TIRAP: variants seen among roughly 807,000 people sequenced by gnomAD.
TIRAP encodes the protein TIR domain containing adaptor protein.
In TIRAP, 20 loss-of-function variants were observed where a neutral mutation model predicts 19.8. The observed-to-expected ratio is 1.01, with a 90% CI of 0.71 to 1.47. The LOEUF (loss-of-function observed/expected upper bound fraction) is 1.47, where lower values mean the gene tolerates loss of function less well. Among genes scored for constraint, TIRAP ranks in the 40% most tolerant of loss-of-function variants. TIRAP has a pLI of 0.00. For synonymous variants in TIRAP, 125 were observed against 121.7 expected (o/e 1.03, Z -0.18); for missense variants, 276 against 285.1 (o/e 0.97, Z 0.23).
rs1238074365 is a variant in TIRAP at position 126,287,831 on chromosome 11, G to A, written c.-216-2631G>A. On this transcript the variant is annotated intron_variant, in intron 1 of 4. Transcript: ENST00000392679. The surrounding 1 kb of genome is among the most constrained non-coding windows in gnomAD (Gnocchi z 4.2). ...CACAGTGGTGCAATCTCGGCTCACT[G>A]CAACCTCTGCCTCCCAGGTTCAAGG... Among the ~76,000 whole-genome samples, 1 of 152,164 alleles carries A rather than the reference G, an allele frequency of 6.6e-6. No homozygotes were observed. The highest frequency in any genetic ancestry group is 1.5e-5 in the Non-Finnish European group (1 of 68,032).
Position 126,293,041 on chromosome 11 carries a change from A to C in TIRAP, c.632A>C (p.Glu211Ala). The C allele has an allele frequency of 1.2e-6, 2 of 1,614,168 alleles. No homozygotes were observed. Among genetic ancestry groups the C allele is most frequent in the East Asian group, 2.2e-5 (1 of 44,892 alleles). Reference sequence around the variant, plus strand: ...GATGGTGGCTTTCGTCAAGTCAAAGAAGCTGTCATGCGTTGTAAGCTACTA... The same window carrying C: ...GATGGTGGCTTTCGTCAAGTCAAAGCAGCTGTCATGCGTTGTAAGCTACTA... ...GPDGGFRQVK[E>A]AVMRYLQTLS is the part of the protein sequence containing the mutation. The change falls in exon 4 of 5, where the codon GAA (glutamate) becomes GCA (alanine). Residue 211 changes from glutamate (E) to alanine (A), a missense_variant. Coordinates refer to ENST00000392679, the MANE Select transcript of TIRAP (RefSeq NM_001318777.2).
At chr11:126,285,243 GTA>G (rs1555068788) in intron 1 of TIRAP, among the ~76,000 whole-genome samples, 26 of 106,938 alleles carry the variant, frequency 2.4e-4, no homozygotes, top group African/African-American at 6.0e-4. Flanking sequence ...GTGTGTGTGT[GTA>G]TATATATATA....
rs1951336251 is a variant in TIRAP, at chr11:126,287,561, C to T, written c.-216-2901C>T. The stretch of plus-strand genomic sequence containing the variant: ...ATCTCAAATTCCTGACCTCATGATC[C>T]GCCCACCTCGGCCTCCCAAAGTGCT... On this transcript the variant is annotated intron_variant, in intron 1 of 4. Coordinates refer to ENST00000392679, the MANE Select transcript of TIRAP (RefSeq NM_001318777.2). The surrounding 1 kb of genome is among the most constrained non-coding windows in gnomAD (Gnocchi z 4.2). Among the ~76,000 whole-genome samples, 2 of 151,854 alleles carry T rather than the reference C, an allele frequency of 1.3e-5. No individual in the cohort carries two copies. The highest frequency in any genetic ancestry group is 2.9e-5 in the Non-Finnish European group (2 of 67,952).
intron 1 of TIRAP, among the ~76,000 whole-genome samples, chr11:126,284,873 T>G (rs532577631): frequency 7.6e-4 from 114 of 150,512 alleles, no homozygotes; most frequent in Admixed American, 1.3e-3. Context: ...AAAAAAAATA[T>G]GTAAGCACTG....
Position 126,294,654 on chromosome 11 carries a change from G to T in TIRAP, c.*967G>T. ...ATCTGTTCTCAGTAAGTTTGTTGTT[G>T]AACTGAAATGAATTTCATTATTTCC... On this transcript the variant is annotated 3_prime_UTR_variant, in exon 5 of 5. Transcript: ENST00000392679. The T allele has an allele frequency of 2.4e-6, 1 of 421,094 alleles. No homozygotes were observed. 26.1% of individuals were successfully genotyped at this position (421,094 alleles called of 1,614,324 possible).
Position 126,291,428 on chromosome 11 carries a change from G to T in TIRAP, c.67+467G>T, listed in dbSNP as rs1160294836. 7.5e-7 allele frequency: 1 copy of T among 1,327,506 alleles called. No individual in the cohort carries two copies. Among genetic ancestry groups the T allele is most frequent in the Non-Finnish European group, 1.0e-6 (1 of 1,003,452 alleles). The allele number at this position is 1,327,506 out of a possible 1,614,324, so 82.2% of individuals were successfully genotyped here. A position where few individuals can be genotyped will look rare whatever the true frequency, so the allele number is the denominator to read the frequency against. On this transcript the variant is annotated intron_variant, in intron 3 of 4. Coordinates refer to ENST00000392679, the MANE Select transcript of TIRAP (RefSeq NM_001318777.2). The surrounding 1 kb of genome is among the most constrained non-coding windows in gnomAD (Gnocchi z 5.6). Reference sequence around the variant, plus strand: ...GAGCAGTGTTTCTCCCCCACAGACTGGTTCAGGCAGACCCTGCTGAAGAAG... The same window carrying T: ...GAGCAGTGTTTCTCCCCCACAGACTTGTTCAGGCAGACCCTGCTGAAGAAG...
rs369321079 is a variant in TIRAP at position 126,290,520 on chromosome 11, G to A, written c.-158G>A. ...TGCCAGCTGCCCTTCCCCAGATCCCGAATATCCTCCTGGCCAGGTGGAGCA... is the reference window on the plus strand; with the variant it reads ...TGCCAGCTGCCCTTCCCCAGATCCCAAATATCCTCCTGGCCAGGTGGAGCA... On this transcript the variant is annotated 5_prime_UTR_variant, in exon 2 of 5. Coordinates refer to ENST00000392679, the MANE Select transcript of TIRAP (RefSeq NM_001318777.2). This position sits in a 1 kb window ranked among gnomAD's most constrained non-coding sequence, Gnocchi z 4.9. The A allele has an allele frequency of 5.9e-6, 6 of 1,013,466 alleles. No individual in the cohort carries two copies. The highest frequency in any genetic ancestry group is 5.1e-5 in the African/African-American group (3 of 58,332). 62.8% of individuals were successfully genotyped at this position (1,013,466 alleles called of 1,614,324 possible). A position where few individuals can be genotyped will look rare whatever the true frequency, so the allele number is the denominator to read the frequency against.
Position 126,290,915 on chromosome 11 carries a change from C to G in TIRAP, c.21C>G (p.Leu7=). 1 of 1,607,526 alleles carries G rather than the reference C, an allele frequency of 6.2e-7. No individual in the cohort carries two copies. Among genetic ancestry groups the G allele is most frequent in the South Asian group, 1.1e-5 (1 of 89,770 alleles). The change falls in exon 3 of 5, where the codon CTC becomes CTG. Residue 7 remains leucine, a synonymous_variant. Coordinates refer to ENST00000392679, the MANE Select transcript of TIRAP (RefSeq NM_001318777.2). This position sits in a 1 kb window ranked among gnomAD's most constrained non-coding sequence, Gnocchi z 4.9. MASSTS[L]PAPGSRPKKP... is the part of the protein sequence containing the mutation. ...ACGCTATGGCATCATCGACCTCCCT[C>G]CCAGCTCCTGGCTCTCGGCCTAAGA... is the stretch of plus-strand genomic sequence containing the variant.
At position 126,288,747 on chromosome 11, in the gene TIRAP, G is replaced by T. The variant is rs1951349320; in HGVS notation, c.-216-1715G>T. ...AAAAGGGCAAGTCATTTCATAAAAT[G>T]AGAAACTGAAACTTTAAAATCTACA... On this transcript the variant is annotated intron_variant, in intron 1 of 4. Transcript: ENST00000392679. The surrounding 1 kb of genome is among the most constrained non-coding windows in gnomAD (Gnocchi z 5.0). Among the ~76,000 whole-genome samples, 1 of 152,138 alleles carries T rather than the reference G, an allele frequency of 6.6e-6. No individual in the cohort carries two copies. The highest frequency in any genetic ancestry group is 2.4e-5 in the African/African-American group (1 of 41,424).
chr11:126,285,261 A>ATATATATAAT (rs776825456), intron 1 of TIRAP, among the ~76,000 whole-genome samples: 3 of 51,262 alleles, frequency 5.9e-5, no homozygotes, highest in South Asian at 8.6e-4. Context: ...ATATATATAT[A>ATATATATAAT]ATATATATTT....
chr11:126,289,251 G>T (rs979630334), intron 1 of TIRAP, among the ~76,000 whole-genome samples: 2 of 152,158 alleles, frequency 1.3e-5, no homozygotes, highest in Middle Eastern at 3.2e-3. Flanking sequence ...AGTGAACAAA[G>T]CATTAATGTG....
chr11:126,293,460 G>C (rs781600598), intron 4 of TIRAP: 1 of 722,614 alleles, frequency 1.4e-6, no homozygotes. Flanking sequence ...CAAGAGCTGG[G>C]AAGGTGCCAG....
rs1308595868 is a variant in TIRAP, at chr11:126,287,627, A to G, written c.-216-2835A>G. Among the ~76,000 whole-genome samples, 1 of 151,266 alleles carries G rather than the reference A, an allele frequency of 6.6e-6. No homozygotes were observed. Among genetic ancestry groups the G allele is most frequent in the Non-Finnish European group, 1.5e-5 (1 of 67,796 alleles). ...AGCCACTGTGCCCAGCCCACTTTGG[A>G]TTTTATACAGCAAAACTCCATAATG... On this transcript the variant is annotated intron_variant, in intron 1 of 4. Coordinates refer to ENST00000392679, the MANE Select transcript of TIRAP (RefSeq NM_001318777.2). The surrounding 1 kb of genome is among the most constrained non-coding windows in gnomAD (Gnocchi z 4.2).
Position 126,293,766 on chromosome 11 carries a change from A to C in TIRAP, c.*79A>C. 2.0e-6 allele frequency: 3 copies of C among 1,510,812 alleles called. No homozygotes were observed. Among genetic ancestry groups the C allele is most frequent in the Non-Finnish European group, 2.8e-6 (3 of 1,085,836 alleles). The allele number at this position is 1,510,812 out of a possible 1,614,324, so 93.6% of individuals were successfully genotyped here. ...CCCATGCAGGGCCTCGGATTCCCAC[A>C]AATGTGACAAGAGGTATAGGGAGTG... is the stretch of plus-strand genomic sequence containing the variant. On this transcript the variant is annotated 3_prime_UTR_variant, in exon 5 of 5. Coordinates refer to ENST00000392679, the MANE Select transcript of TIRAP (RefSeq NM_001318777.2).
intron 1 of TIRAP, among the ~76,000 whole-genome samples, chr11:126,286,596 C>A (rs1352082712): frequency 6.6e-6 from 1 of 152,172 alleles, no homozygotes; most frequent in Non-Finnish European, 1.5e-5. Context: ...AACCAAAATT[C>A]TTTTAAATGT....
chr11:126,289,264 G>T (rs988057779), intron 1 of TIRAP, among the ~76,000 whole-genome samples: 1 of 152,184 alleles, frequency 6.6e-6, no homozygotes, highest in African/African-American at 2.4e-5. Flanking sequence ...TTAATGTGCA[G>T]CATAGAATGA....
At position 126,293,902 on chromosome 11, in the gene TIRAP, G is replaced by A. The variant is rs759461287; in HGVS notation, c.*215G>A. The A allele has an allele frequency of 2.0e-5, 12 of 595,896 alleles. No individual in the cohort carries two copies. The Admixed American group carries it at 2.3e-4, about 12-fold the overall frequency. The allele number at this position is 595,896 out of a possible 1,614,324, so 36.9% of individuals were successfully genotyped here. A position where few individuals can be genotyped will look rare whatever the true frequency, so the allele number is the denominator to read the frequency against. ...GCTTGGGGACTCCCCCAGGAAGGCC[G>A]TGAAGCTGGGGATTCCCCCTAGGAA... is the stretch of plus-strand genomic sequence containing the variant. On this transcript the variant is annotated 3_prime_UTR_variant, in exon 5 of 5. Transcript: ENST00000392679.
At position 126,291,137 on chromosome 11, in the gene TIRAP, G is replaced by A; in HGVS notation, c.67+176G>A. 1.3e-6 allele frequency: 1 copy of A among 768,356 alleles called. No homozygotes were observed. 47.6% of individuals were successfully genotyped at this position (768,356 alleles called of 1,614,324 possible). A position where few individuals can be genotyped will look rare whatever the true frequency, so the allele number is the denominator to read the frequency against. Reference sequence around the variant, plus strand: ...GCTTTGTGGAGAGTGAGGAGGGGAGGCCTGCGTCAGCTCAGCCAGATCTTT... The same window carrying A: ...GCTTTGTGGAGAGTGAGGAGGGGAGACCTGCGTCAGCTCAGCCAGATCTTT... On this transcript the variant is annotated intron_variant, in intron 3 of 4. Transcript: ENST00000392679. The surrounding 1 kb of genome is among the most constrained non-coding windows in gnomAD (Gnocchi z 5.6).
chr11:126,284,727 G>A (rs1438079117), intron 1 of TIRAP, among the ~76,000 whole-genome samples: 1 of 151,944 alleles, frequency 6.6e-6, no homozygotes, highest in Admixed American at 6.6e-5. Context: ...GATGGCGGGT[G>A]TCGGTAGTCC....
Sources: gnomAD v4.1 joint callset for allele counts (sites outside exome capture counted in the v4.1 genomes callset) on GRCh38, gnomAD v4.1.1 for gene constraint, Gnocchi (gnomAD v3.1) non-coding constraint, MANE v1.5 for transcripts, NCBI Gene and HGNC (gene_info 2026-07-23, HGNC 2026-07-21) for gene names.